The following CHST8 variants were observed in gnomAD, a reference collection of about 807,000 sequenced individuals.
The protein encoded by CHST8 is GALNAC-4-ST1.
Under a neutral mutation model 15.0 loss-of-function variants are expected in CHST8, and 10 were observed. That is an observed-to-expected ratio of 0.67 (90% CI 0.41 to 1.13). CHST8 has a LOEUF of 1.13. CHST8 is among the 50% of genes most tolerant of loss of function. The pLI is 0.00. For missense variants in CHST8, 634 were observed against 608.2 expected (o/e 1.04, Z -0.45); for synonymous variants, 259 against 256.6 (o/e 1.01, Z -0.09).
intron 1 of CHST8, among the ~76,000 whole-genome samples, chr19:33,655,650 C>T (rs950522608): frequency 4.6e-5 from 7 of 152,146 alleles, no homozygotes; most frequent in African/African-American, 1.4e-4. Context: ...CTTCCCTAGA[C>T]TATCATACAT....
intron 3 of CHST8, among the ~76,000 whole-genome samples, chr19:33,754,596 A>G (rs535444748): frequency 1.7e-4 from 26 of 152,326 alleles, no homozygotes; most frequent in African/African-American, 6.3e-4. Flanking sequence ...ATGGAGCTTT[A>G]GCTTGACTGG....
intron 3 of CHST8, among the ~76,000 whole-genome samples, chr19:33,719,400 T>G (rs1214724509): frequency 6.6e-6 from 1 of 152,124 alleles, no homozygotes; most frequent in Non-Finnish European, 1.5e-5. Context: ...CCTTGGACAC[T>G]TCTGTTTTAG....
chr19:33,757,383 A>AAAAGAAGAAAGAAAGAAAGAAAG (rs1974568371), intron 3 of CHST8, among the ~76,000 whole-genome samples: 1 of 108,866 alleles, frequency 9.2e-6, no homozygotes, highest in Middle Eastern at 3.9e-3. Flanking sequence ...CGGTCTCAAA[A>AAAAGAAGAAAGAAAGAAAGAAAG]AAAGAAGAAA....
At chr19:33,640,600 G>A (rs938244340) in intron 1 of CHST8, among the ~76,000 whole-genome samples, 1 of 151,524 alleles carries the variant, frequency 6.6e-6, no homozygotes, top group Non-Finnish European at 1.5e-5. Flanking sequence ...AACAAGATTT[G>A]TATGAATAAA....
chr19:33,696,550 A>G (rs1024262698), intron 3 of CHST8, among the ~76,000 whole-genome samples: 1 of 152,174 alleles, frequency 6.6e-6, no homozygotes, highest in Admixed American at 6.5e-5. Context: ...TAATATATCC[A>G]TGTATATACA....
intron 3 of CHST8, among the ~76,000 whole-genome samples, chr19:33,699,713 G>T (rs1234602919): frequency 6.6e-6 from 1 of 152,166 alleles, no homozygotes; most frequent in Non-Finnish European, 1.5e-5. Flanking sequence ...GCGCTGTGTT[G>T]ATTGGAGAAA....
In CHST8 at chr19:33,694,843, A is replaced by ATTTG. The variant is rs1419704562; in HGVS notation, c.130+5452_130+5453insTTTG. Reference sequence around the variant, plus strand: ...CGATCTACCTGCCTTGGCCTCCCAAAGTGTTGGGATTACAGGCGTAAGCCA... The same window carrying ATTTG: ...CGATCTACCTGCCTTGGCCTCCCAAATTTGGTGTTGGGATTACAGGCGTAAGCCA... On this transcript the variant is annotated intron_variant, in intron 3 of 4. Transcript: ENST00000650847. 8.5e-5 allele frequency among the ~76,000 whole-genome samples: 13 copies of ATTTG among 152,224 alleles called. No homozygotes were observed. In the East Asian group the frequency reaches 2.5e-3, roughly 29 times the overall value.
chr19:33,697,983 A>T (rs1461899347), intron 3 of CHST8, among the ~76,000 whole-genome samples: 1 of 152,198 alleles, frequency 6.6e-6, no homozygotes, highest in Admixed American at 6.5e-5. Flanking sequence ...GGTGCATCAG[A>T]AAGCTCATTC....
At chr19:33,766,465 G>A (rs1002046476) in intron 3 of CHST8, among the ~76,000 whole-genome samples, 1 of 152,208 alleles carries the variant, frequency 6.6e-6, no homozygotes, top group African/African-American at 2.4e-5. Context: ...GCACTGTGAG[G>A]TCAGGTGCGT....
At chr19:33,742,128 G>T (rs985987556) in intron 3 of CHST8, among the ~76,000 whole-genome samples, 1 of 152,134 alleles carries the variant, frequency 6.6e-6, no homozygotes, top group Non-Finnish European at 1.5e-5. Context: ...TAACCAAATG[G>T]CTGTGGGTCC....
chr19:33,766,704 G>C (rs559157577), intron 3 of CHST8, among the ~76,000 whole-genome samples: 26 of 152,334 alleles, frequency 1.7e-4, no homozygotes, highest in African/African-American at 6.3e-4. Context: ...ATGCAGTCGG[G>C]ACCTTGCCTT....
intron 3 of CHST8, among the ~76,000 whole-genome samples, chr19:33,761,622 C>T (rs1160507595): frequency 6.6e-6 from 1 of 151,674 alleles, no homozygotes; most frequent in African/African-American, 2.4e-5. Context: ...TGAGCCAGCA[C>T]ACCTGGCCAA....
intron 3 of CHST8, among the ~76,000 whole-genome samples, chr19:33,738,978 C>T (rs558192458): frequency 3.9e-5 from 6 of 152,174 alleles, no homozygotes; most frequent in Non-Finnish European, 5.9e-5. Flanking sequence ...GGATTAAAGC[C>T]GGGAGGACCC....
intron 1 of CHST8, among the ~76,000 whole-genome samples, chr19:33,656,749 G>C (rs948118698): frequency 1.3e-5 from 2 of 152,066 alleles, no homozygotes; most frequent in African/African-American, 4.8e-5. Context: ...GTGTTGCTCA[G>C]GCTAGTCTCG....
chr19:33,719,823 G>A lies in CHST8; in HGVS notation c.130+30432G>A, dbSNP rs199670458. Among the ~76,000 whole-genome samples, 38 of 152,022 alleles carry A rather than the reference G, an allele frequency of 2.5e-4. 1 individual carries two copies. In the East Asian group the frequency reaches 6.6e-3, roughly 26 times the overall value. On this transcript the variant is annotated intron_variant, in intron 3 of 4. Transcript: ENST00000650847. ...CTGGCTTTACACTTGAGCATGACAC[G>A]TGATACCCACTGTCTCCTCCAGCAG...
chr19:33,770,264 G>A (rs554287218), intron 3 of CHST8, among the ~76,000 whole-genome samples: 4 of 152,332 alleles, frequency 2.6e-5, no homozygotes, highest in South Asian at 2.1e-4. Context: ...CCCCCCTCCC[G>A]CAGGCAGCAG....
At chr19:33,692,813 A>G (rs778008371) in intron 3 of CHST8, among the ~76,000 whole-genome samples, 1 of 152,094 alleles carries the variant, frequency 6.6e-6, no homozygotes, top group Non-Finnish European at 1.5e-5. Flanking sequence ...GTTTTATCAT[A>G]GCGAATTTGG....
chr19:33,772,895 C>T lies in CHST8; in HGVS notation c.1107C>T (p.Thr369=). ...TCATCCGCGCGCCGCGGAACCTGAC[C>T]TTCCCCCGGTTCAAGGACCGGCACT... is the stretch of plus-strand genomic sequence containing the variant. ...LSLIRAPRNL[T]FPRFKDRHSQ... The change falls in exon 5 of 5, where the codon ACC becomes ACT. Residue 369 remains threonine, a synonymous_variant. Coordinates refer to ENST00000650847, the MANE Select transcript of CHST8 (RefSeq NM_001127895.2). 3 of 1,613,518 alleles carry T rather than the reference C, an allele frequency of 1.9e-6. No individual in the cohort carries two copies. Among genetic ancestry groups the T allele is most frequent in the Non-Finnish European group, 2.5e-6 (3 of 1,180,040 alleles).
chr19:33,622,094 G>C lies in CHST8; in HGVS notation c.-366G>C, dbSNP rs900687210. ...GAGGAACGCCGCCCCGCGCCCTCTC[G>C]CTCCCCGCACGCTCCGGCTGCCGGC... On this transcript the variant is annotated 5_prime_UTR_variant, in exon 1 of 5. Coordinates refer to ENST00000650847, the MANE Select transcript of CHST8 (RefSeq NM_001127895.2). 1 of 152,144 alleles carries C rather than the reference G, an allele frequency of 6.6e-6. No individual in the cohort carries two copies. Among genetic ancestry groups the C allele is most frequent in the Non-Finnish European group, 1.5e-5 (1 of 68,074 alleles). The allele number at this position is 152,144 out of a possible 1,614,324, so 9.4% of individuals were successfully genotyped here.
Sources: allele counts gnomAD v4.1 joint callset (sites outside exome capture counted in the v4.1 genomes callset), GRCh38; gene constraint gnomAD v4.1.1; transcripts MANE v1.5; gene names NCBI Gene and HGNC (gene_info 2026-07-23, HGNC 2026-07-21).